The following CYB561D2 variants were observed in gnomAD, a reference collection of about 807,000 sequenced individuals.
CYB561D2 encodes the protein cytochrome b561 family member D2.
CYB561D2 carries 16 observed loss-of-function variants against 20.2 expected under a neutral mutation model. That is an observed-to-expected ratio of 0.79 (90% CI 0.53 to 1.20). The LOEUF (loss-of-function observed/expected upper bound fraction) is 1.20. CYB561D2 is among the 50% of genes most tolerant of loss of function. The pLI is 0.00. For synonymous variants in CYB561D2, 135 were observed against 128.3 expected (o/e 1.05, Z -0.35); for missense variants, 247 against 270.3 (o/e 0.91, Z 0.60).
At chr3:50,352,742 C>T (rs1424471178) in intron 3 of CYB561D2, among the ~76,000 whole-genome samples, 1 of 151,018 alleles carries the variant, frequency 6.6e-6, no homozygotes, top group Non-Finnish European at 1.5e-5. Context: ...ACCCAGGACC[C>T]AGGTCAAATG....
At chr3:50,352,636 A>C (rs1473151738) in intron 3 of CYB561D2, among the ~76,000 whole-genome samples, 2 of 146,474 alleles carry the variant, frequency 1.4e-5, no homozygotes, top group Non-Finnish European at 3.0e-5. Context: ...CAGTGAGCCG[A>C]GATCAGGCCA....
At chr3:50,351,031 GGCGGT>G (rs1703744074) in intron 1 of CYB561D2, 47 bp downstream of exon 1, 9 of 644,492 alleles carry the variant, frequency 1.4e-5, no homozygotes, top group Non-Finnish European at 2.1e-5. Context: ...CACTTGGGGA[GGCGGT>G]GCGCTAAGGG....
In CYB561D2 at chr3:50,351,510, T is replaced by C; in HGVS notation, c.77T>C (p.Val26Ala). The change falls in exon 2 of 4, where the codon GTG becomes GCG. Residue 26 changes from valine (V) to alanine (A), a missense_variant. Transcript: ENST00000425346. ...RTASGAAAHL[V>A]ALGFTIFVAV... ...GCTTCTGGCGCTGCCGCCCACCTTGTGGCCCTGGGCTTTACCATCTTTGTG... is the reference window on the plus strand; with the variant it reads ...GCTTCTGGCGCTGCCGCCCACCTTGCGGCCCTGGGCTTTACCATCTTTGTG... 1 of 1,613,320 alleles carries C rather than the reference T, an allele frequency of 6.2e-7. No individual in the cohort carries two copies. The highest frequency in any genetic ancestry group is 1.1e-5 in the South Asian group (1 of 91,030).
In CYB561D2 at chr3:50,353,934, C is replaced by A; in HGVS notation, c.*190C>A. On this transcript the variant is annotated 3_prime_UTR_variant, in exon 4 of 4. Coordinates refer to ENST00000425346, the MANE Select transcript of CYB561D2 (RefSeq NM_001291284.2). ...TCCCATTTCCTTCCCCTTTCTCTGTCATCCCAGAGGAACATAGGCATCATG... is the reference window on the plus strand; with the variant it reads ...TCCCATTTCCTTCCCCTTTCTCTGTAATCCCAGAGGAACATAGGCATCATG... 1 of 646,078 alleles carries A rather than the reference C, an allele frequency of 1.5e-6. No homozygotes were observed. Among genetic ancestry groups the A allele is most frequent in the Non-Finnish European group, 2.6e-6 (1 of 385,504 alleles). 40.0% of individuals were successfully genotyped at this position (646,078 alleles called of 1,614,324 possible). A position where few individuals can be genotyped will look rare whatever the true frequency, so the allele number is the denominator to read the frequency against.
rs1703821402 is a variant in CYB561D2 at position 50,353,569 on chromosome 3, T to C, written c.494T>C (p.Val165Ala). The C allele has an allele frequency of 6.2e-7, 1 of 1,613,798 alleles. No individual in the cohort carries two copies. The highest frequency in any genetic ancestry group is 1.7e-4 in the Middle Eastern group (1 of 6,060). ...CTATACCATGCTACTTCTGGGCTGG[T>C]GGGCTACCTGCTGGGTAGTGCCAGC... ...LKLYHATSGL[V>A]GYLLGSASLL... Residue 165 changes from valine (V) to alanine (A), a missense_variant, in exon 4 of 4, where the codon GTG (valine) becomes GCG (alanine). By Grantham distance (64) the Val-to-Ala change is moderately conservative (BLOSUM62 0). Transcript: ENST00000425346.
chr3:50,351,019 A>G (rs1428793572), intron 1 of CYB561D2, 35 bp downstream of exon 1: 3 of 757,196 alleles, frequency 4.0e-6, no homozygotes, highest in Non-Finnish European at 1.9e-6. Context: ...GCATGCTGGC[A>G]GCACTTGGGG....
intron 2 of CYB561D2, 151 bp downstream of exon 2, chr3:50,351,711 G>A: frequency 8.3e-7 from 1 of 1,208,528 alleles, no homozygotes. Context: ...TATGGCCAGG[G>A]CACACAGAAT....
intron 3 of CYB561D2, among the ~76,000 whole-genome samples, chr3:50,352,404 C>T (rs972007237): frequency 6.6e-6 from 1 of 150,968 alleles, no homozygotes; most frequent in Non-Finnish European, 1.5e-5. Flanking sequence ...CGCATGAACC[C>T]AGGAGACGGA....
rs200906928 is a variant in CYB561D2 at position 50,353,479 on chromosome 3, G to A, written c.404G>A (p.Cys135Tyr). The stretch of plus-strand genomic sequence containing the variant: ...GCTGTGCTGTGGGCAGGGCTGCAGT[G>A]CTCAGGTGGGGTGGGGCTGCTCTAC... ...LLAVLWAGLQ[C>Y]SGGVGLLYPK... Residue 135 changes from cysteine (C) to tyrosine (Y), a missense_variant, in exon 4 of 4, where the codon TGC becomes TAC. Coordinates refer to ENST00000425346, the MANE Select transcript of CYB561D2 (RefSeq NM_001291284.2). The A allele has an allele frequency of 1.8e-4, 292 of 1,612,940 alleles. 2 individuals carry two copies. The highest frequency in any genetic ancestry group is 2.3e-5 in the Non-Finnish European group (27 of 1,179,982).
At chr3:50,351,934 T>C (rs1030706699) in intron 2 of CYB561D2, 75 bp from the exon 3 acceptor site, 5 of 1,573,330 alleles carry the variant, frequency 3.2e-6, no homozygotes, top group Non-Finnish European at 4.4e-6. Context: ...CTGCTGGTAT[T>C]CCTCAACCCT....
chr3:50,353,415 G>A lies in CYB561D2; in HGVS notation c.340G>A (p.Ala114Thr). 1 of 1,613,224 alleles carries A rather than the reference G, an allele frequency of 6.2e-7. No homozygotes were observed. The highest frequency in any genetic ancestry group is 8.5e-7 in the Non-Finnish European group (1 of 1,179,998). The change falls in exon 4 of 4, where the codon GCC (alanine) becomes ACC (threonine). Residue 114 changes from alanine (A) to threonine (T), a missense_variant. Ala to Thr is a moderately conservative substitution (Grantham distance 58). Coordinates refer to ENST00000425346, the MANE Select transcript of CYB561D2 (RefSeq NM_001291284.2). ...VILHKEQLGK[A>T]HLVTRHGQAG... is the part of the protein sequence containing the mutation. Reference sequence around the variant, plus strand: ...CCTCCACAAAGAGCAGCTTGGCAAAGCCCACCTGGTTACGCGGCATGGGCA... The same window carrying A: ...CCTCCACAAAGAGCAGCTTGGCAAAACCCACCTGGTTACGCGGCATGGGCA...
chr3:50,351,697 T>C, intron 2 of CYB561D2, 137 bp downstream of exon 2: 1 of 1,285,472 alleles, frequency 7.8e-7, no homozygotes, highest in African/African-American at 1.5e-5. Flanking sequence ...GTGGAGCAGG[T>C]AGGTATGGCC....
chr3:50,353,496 C>A lies in CYB561D2; in HGVS notation c.421C>A (p.Leu141Met). The A allele has an allele frequency of 6.2e-7, 1 of 1,613,452 alleles. No homozygotes were observed. The highest frequency in any genetic ancestry group is 8.5e-7 in the Non-Finnish European group (1 of 1,180,020). ...GCTGCAGTGCTCAGGTGGGGTGGGGCTGCTCTACCCCAAGCTGCTGCCCCG... is the reference window on the plus strand; with the variant it reads ...GCTGCAGTGCTCAGGTGGGGTGGGGATGCTCTACCCCAAGCTGCTGCCCCG... ...AGLQCSGGVG[L>M]LYPKLLPRWP... The change falls in exon 4 of 4, where the codon CTG (leucine) becomes ATG (methionine). Residue 141 changes from leucine (L) to methionine (M), a missense_variant. Leu to Met is a conservative substitution (Grantham distance 15). Coordinates refer to ENST00000425346, the MANE Select transcript of CYB561D2 (RefSeq NM_001291284.2).
At chr3:50,352,127 C>T (rs1313525460) in intron 3 of CYB561D2, 81 bp downstream of exon 3, 1 of 1,493,186 alleles carries the variant, frequency 6.7e-7, no homozygotes, top group Non-Finnish European at 9.3e-7. Context: ...AATCTTTGTC[C>T]ACATTTAATA....
intron 3 of CYB561D2, among the ~76,000 whole-genome samples, chr3:50,352,353 G>A (rs1027243916): frequency 3.3e-5 from 5 of 151,792 alleles, no homozygotes; most frequent in African/African-American, 4.8e-5. Context: ...GGTGGCACGC[G>A]CCTGTAGTCC....
chr3:50,351,653 G>T, intron 2 of CYB561D2, 93 bp downstream of exon 2: 1 of 1,519,800 alleles, frequency 6.6e-7, no homozygotes, highest in South Asian at 1.3e-5. Context: ...GGCCTGGCTG[G>T]TTGAGGGAAT....
Position 50,353,894 on chromosome 3 carries a change from T to A in CYB561D2, c.*150T>A. ...AGGCCCGTGTGTGAATTCCTGCTCC[T>A]CATGCTGGAGTGCCTCCCATTTCCT... On this transcript the variant is annotated 3_prime_UTR_variant, in exon 4 of 4. Transcript: ENST00000425346. The A allele has an allele frequency of 1.1e-6, 1 of 874,658 alleles. No homozygotes were observed. The highest frequency in any genetic ancestry group is 1.7e-6 in the Non-Finnish European group (1 of 583,244). The allele number at this position is 874,658 out of a possible 1,614,324, so 54.2% of individuals were successfully genotyped here.
intron 3 of CYB561D2, among the ~76,000 whole-genome samples, chr3:50,352,497 A>C (rs1196834557): frequency 1.3e-5 from 2 of 150,378 alleles, no homozygotes; most frequent in African/African-American, 2.4e-5. Flanking sequence ...AAAAAAAAAA[A>C]AAAACCCAAA....
chr3:50,354,005 A>G lies in CYB561D2; in HGVS notation c.*261A>G. 1 of 501,178 alleles carries G rather than the reference A, an allele frequency of 2.0e-6. No individual in the cohort carries two copies. 31.0% of individuals were successfully genotyped at this position (501,178 alleles called of 1,614,324 possible). Reference sequence around the variant, plus strand: ...TGCAAGACTGCCTCTCCTGCAAGGCAGCTCATACTTGTACTGTATGTTCAG... The same window carrying G: ...TGCAAGACTGCCTCTCCTGCAAGGCGGCTCATACTTGTACTGTATGTTCAG... On this transcript the variant is annotated 3_prime_UTR_variant, in exon 4 of 4. Transcript: ENST00000425346.
Sources: gnomAD v4.1 joint callset for allele counts (sites outside exome capture counted in the v4.1 genomes callset) on GRCh38, gnomAD v4.1.1 for gene constraint, MANE v1.5 for transcripts, NCBI Gene and HGNC (gene_info 2026-07-23, HGNC 2026-07-21) for gene names.